The following ADGRE1 variants were observed in gnomAD, a reference collection of about 807,000 sequenced individuals.
ADGRE1 encodes EGF-like module receptor 1.
A neutral mutation model predicts 102.7 loss-of-function variants in ADGRE1; 82 were observed. The ratio of observed to expected loss-of-function variants is 0.80; its 90% CI spans 0.67 to 0.96. The LOEUF (loss-of-function observed/expected upper bound fraction) is 0.96. Among genes scored for constraint, ADGRE1 ranks in the 40% least tolerant of loss-of-function variants. The pLI, the probability that ADGRE1 is intolerant of heterozygous loss-of-function variation, is 0.00. For missense variants in ADGRE1, 1,032 were observed against 1,085.3 expected (o/e 0.95, Z 0.69); for synonymous variants, 398 against 399.6 (o/e 1.00, Z 0.05).
At chr19:6,889,642 T>A (rs1317798790) in intron 1 of ADGRE1, among the ~76,000 whole-genome samples, 2 of 122,936 alleles carry the variant, frequency 1.6e-5, no homozygotes, top group African/African-American at 6.5e-5. Context: ...TGAGCCTAGA[T>A]CACGCTACTG....
chr19:6,888,945 A>T (rs187784925), intron 1 of ADGRE1, among the ~76,000 whole-genome samples: 30 of 152,278 alleles, frequency 2.0e-4, no homozygotes, highest in Admixed American at 1.7e-3. Flanking sequence ...TGATAATGAT[A>T]GTGATGATAA....
intron 12 of ADGRE1, among the ~76,000 whole-genome samples, chr19:6,917,119 A>C (rs1345271824): frequency 3.3e-5 from 5 of 152,118 alleles, no homozygotes; most frequent in Non-Finnish European, 7.3e-5. Context: ...GACAATATGA[A>C]TATGAATGTG....
chr19:6,933,625 G>A lies in ADGRE1; in HGVS notation c.2290-1362G>A, dbSNP rs191099568. On this transcript the variant is annotated intron_variant, in intron 17 of 20. Transcript: ENST00000312053. ...TGGTCTCGAACTCCTGACCTCAGGT[G>A]ATCCACCCACCTTGGCCTCCCAATG... Among the ~76,000 whole-genome samples, 706 of 152,222 alleles carry A rather than the reference G, an allele frequency of 4.6e-3. 2 individuals are homozygous for A. Among genetic ancestry groups the A allele is most frequent in the Non-Finnish European group, 7.9e-3 (535 of 67,998 alleles).
chr19:6,916,344 A>G lies in ADGRE1; in HGVS notation c.1396A>G (p.Thr466Ala), dbSNP rs780633354. 3 of 1,613,744 alleles carry G rather than the reference A, an allele frequency of 1.9e-6. No individual in the cohort carries two copies. The highest frequency in any genetic ancestry group is 4.5e-5 in the East Asian group (2 of 44,864). ...KGDKMKIGCS[T>A]IEESESTETT... ...GGATAAGATGAAGATCGGGTGTTCC[A>G]CAATTGAGGAATCTGAATCCACAGG... Residue 466 changes from threonine (T) to alanine (A), a missense_variant, in exon 12 of 21, where the codon ACA becomes GCA. Physicochemically the swap from Thr to Ala is moderately conservative, Grantham distance 58. Coordinates refer to ENST00000312053, the MANE Select transcript of ADGRE1 (RefSeq NM_001974.5).
intron 12 of ADGRE1, among the ~76,000 whole-genome samples, chr19:6,918,377 G>A (rs1371901709): frequency 2.0e-5 from 3 of 152,012 alleles, no homozygotes; most frequent in East Asian, 3.9e-4. Context: ...GAAGGCAGAC[G>A]TTGCAGTGAG....
chr19:6,892,420 G>A (rs150256555), intron 2 of ADGRE1, among the ~76,000 whole-genome samples: 257 of 152,002 alleles, frequency 1.7e-3, no homozygotes, highest in African/African-American at 6.0e-3. Context: ...CCAATCCATC[G>A]GCAAATTTTG....
At chr19:6,901,764 G>A in intron 5 of ADGRE1, 111 bp from the exon 6 acceptor site, 1 of 1,068,764 alleles carries the variant, frequency 9.4e-7, no homozygotes, top group Non-Finnish European at 1.4e-6. Flanking sequence ...ATATTGGGGA[G>A]CATCAGCCCT....
At position 6,921,700 on chromosome 19, in the gene ADGRE1, T is replaced by C. The variant is rs1460730199; in HGVS notation, c.1621-13T>C. On this transcript the variant is annotated splice_polypyrimidine_tract_variant and intron_variant, in intron 13 of 20. Transcript: ENST00000312053. ...AGAAGACCTTTGTTTTTTTGTTTTT[T>C]TGTTTTTTTTAGCCAAAGCAGAAGT... 7.0e-6 allele frequency: 11 copies of C among 1,560,948 alleles called. No homozygotes were observed. The highest frequency in any genetic ancestry group is 2.2e-5 in the East Asian group (1 of 44,562).
intron 5 of ADGRE1, among the ~76,000 whole-genome samples, chr19:6,901,548 A>AAT (rs1568340165): frequency 2.6e-5 from 4 of 152,152 alleles, no homozygotes; most frequent in African/African-American, 9.6e-5. Context: ...CACATCTCTT[A>AAT]CAATCTACAT....
chr19:6,897,342 G>T (rs375540911), intron 4 of ADGRE1, 38 bp downstream of exon 4: 3 of 1,612,242 alleles, frequency 1.9e-6, no homozygotes, highest in African/African-American at 1.3e-5. Flanking sequence ...GTCTTGGGTG[G>T]ATATCTATCA....
intron 3 of ADGRE1, 83 bp downstream of exon 3, chr19:6,896,624 C>T (rs1258357204): frequency 1.6e-5 from 24 of 1,465,410 alleles, no homozygotes; most frequent in Admixed American, 2.3e-5. Flanking sequence ...GTAGGTACTC[C>T]CCCACCCCCC....
intron 9 of ADGRE1, among the ~76,000 whole-genome samples, chr19:6,908,036 T>C (rs1026853932): frequency 6.6e-6 from 1 of 152,214 alleles, no homozygotes; most frequent in African/African-American, 2.4e-5. Flanking sequence ...ATGGCCATAA[T>C]GCCCACACTG....
chr19:6,933,617 C>T (rs984075718), intron 17 of ADGRE1, among the ~76,000 whole-genome samples: 10 of 152,084 alleles, frequency 6.6e-5, no homozygotes, highest in African/African-American at 2.4e-4. Flanking sequence ...GAACTCCTGA[C>T]CTCAGGTGAT....
rs1440353382 is a variant in ADGRE1 at position 6,897,206 on chromosome 19, AC to A, written c.298del (p.Leu100CysfsTer10). On this transcript the variant is annotated frameshift_variant, in exon 4 of 21. Transcript: ENST00000312053. LOFTEE classifies it high-confidence loss of function. ...TGTGGTCCTAACTCATCCTGCAAAAACCTGTCAGGGAGGTACAAGTGCAGCT... is the reference window on the plus strand; with the variant it reads ...TGTGGTCCTAACTCATCCTGCAAAAACTGTCAGGGAGGTACAAGTGCAGCT... Reference protein sequence around the residue: ...QPCGPNSSCKNLSGRYKCSCL... With the variant: ...QPCGPNSSCKXLSGRYKCSCL... 1 of 1,612,410 alleles carries A rather than the reference AC, an allele frequency of 6.2e-7. No individual in the cohort carries two copies. Among genetic ancestry groups the A allele is most frequent in the Admixed American group, 1.7e-5 (1 of 59,732 alleles).
At chr19:6,895,194 C>G (rs115219237) in intron 2 of ADGRE1, 3,012 of 152,306 alleles carry the variant, frequency 0.02, 105 homozygotes, top group African/African-American at 0.068. Context: ...CATCTTCCAG[C>G]CCATGTGAAA....
chr19:6,931,503 T>C (rs1034998625), intron 17 of ADGRE1, among the ~76,000 whole-genome samples: 2 of 152,092 alleles, frequency 1.3e-5, no homozygotes, highest in Non-Finnish European at 2.9e-5. Context: ...ATTTTCCCAT[T>C]TGTAAGATCA....
At position 6,904,066 on chromosome 19, in the gene ADGRE1, C is replaced by T. The variant is rs1233423653; in HGVS notation, c.833C>T (p.Thr278Ile). The change falls in exon 8 of 21, where the codon ACC becomes ATC. Residue 278 changes from threonine (T) to isoleucine (I), a missense_variant. Physicochemically the swap from Thr to Ile is moderately conservative, Grantham distance 89. Coordinates refer to ENST00000312053, the MANE Select transcript of ADGRE1 (RefSeq NM_001974.5). ...DIDECRQDPS[T>I]CGPNSICTNA... Reference sequence around the variant, plus strand: ...GATGAGTGCCGCCAAGATCCATCAACCTGTGGTCCTAATTCTATCTGCACC... The same window carrying T: ...GATGAGTGCCGCCAAGATCCATCAATCTGTGGTCCTAATTCTATCTGCACC... 6.2e-7 allele frequency: 1 copy of T among 1,614,090 alleles called. No individual in the cohort carries two copies. Among genetic ancestry groups the T allele is most frequent in the Admixed American group, 1.7e-5 (1 of 60,006 alleles).
chr19:6,908,757 C>A lies in ADGRE1; in HGVS notation c.1107C>A (p.Thr369=), dbSNP rs147647989. The A allele has an allele frequency of 6.2e-7, 1 of 1,609,666 alleles. No individual in the cohort carries two copies. The part of the protein sequence containing the change: ...VLDKVCENKT[T]VVSLKNTTES... ...ACAAAGTGTGTGAAAATAAAACGACCGTAGTTTCTCTGAAGGTAACGATTG... is the reference window on the plus strand; with the variant it reads ...ACAAAGTGTGTGAAAATAAAACGACAGTAGTTTCTCTGAAGGTAACGATTG... The change falls in exon 10 of 21, where the codon ACC becomes ACA. Residue 369 remains threonine, a synonymous_variant. Coordinates refer to ENST00000312053, the MANE Select transcript of ADGRE1 (RefSeq NM_001974.5).
At chr19:6,934,412 T>C (rs1250231029) in intron 17 of ADGRE1, among the ~76,000 whole-genome samples, 1 of 137,988 alleles carries the variant, frequency 7.2e-6, no homozygotes. Flanking sequence ...GAATTCTTCT[T>C]CTTCTTCTTT....
Sources: allele counts gnomAD v4.1 joint callset (sites outside exome capture counted in the v4.1 genomes callset), GRCh38; gene constraint gnomAD v4.1.1; transcripts MANE v1.5; gene names NCBI Gene and HGNC (gene_info 2026-07-23, HGNC 2026-07-21).